CLEC6A: variants seen among roughly 807,000 people sequenced by gnomAD.
CLEC6A encodes the protein C-type lectin domain containing 6A.
In CLEC6A, 22 loss-of-function variants were observed where a neutral mutation model predicts 25.7. That is an observed-to-expected ratio of 0.85 (90% CI 0.61 to 1.22). CLEC6A has a LOEUF of 1.22. Among genes scored for constraint, CLEC6A ranks in the 50% most tolerant of loss-of-function variants. The pLI is 0.00. For synonymous variants in CLEC6A, 92 were observed against 76.7 expected (o/e 1.20, Z -1.04); for missense variants, 240 against 236.8 (o/e 1.01, Z -0.09).
chr12:8,473,242 T>C lies in CLEC6A; in HGVS notation c.370-2883T>C. 2.4e-4 allele frequency among the ~76,000 whole-genome samples: 2 copies of C among 8,312 alleles called. 1 individual carries two copies. Among genetic ancestry groups the C allele is most frequent in the South Asian group, 0.02 (2 of 100 alleles). The allele number at this position is 8,312 out of a possible 152,430, so 5.5% of individuals were successfully genotyped here. A position where few individuals can be genotyped will look rare whatever the true frequency, so the allele number is the denominator to read the frequency against. On this transcript the variant is annotated intron_variant, in intron 4 of 5. Coordinates refer to ENST00000382073, the MANE Select transcript of CLEC6A (RefSeq NM_001007033.2). ...ATCTCCTGACCTCGTGATCCGCCCG[T>C]CTCGGCCTCCCAAAGTGCTGGGATT... is the stretch of plus-strand genomic sequence containing the variant.
Position 8,478,304 on chromosome 12 carries a change from A to G in CLEC6A, c.*840A>G, listed in dbSNP as rs1940006320. On this transcript the variant is annotated 3_prime_UTR_variant, in exon 6 of 6. Coordinates refer to ENST00000382073, the MANE Select transcript of CLEC6A (RefSeq NM_001007033.2). ...TAATGACAGTTTATTTTTATGTTAT[A>G]TAAAAACCTCAACAAATTTTCCAAA... The G allele has an allele frequency of 6.6e-6, 1 of 151,996 alleles. No homozygotes were observed. The highest frequency in any genetic ancestry group is 1.5e-5 in the Non-Finnish European group (1 of 67,896). The allele number at this position is 151,996 out of a possible 1,614,324, so 9.4% of individuals were successfully genotyped here.
chr12:8,464,111 T>C (rs776407963), intron 3 of CLEC6A, among the ~76,000 whole-genome samples: 75 of 152,270 alleles, frequency 4.9e-4, no homozygotes, highest in Non-Finnish European at 9.0e-4. Flanking sequence ...GCAAATAATA[T>C]AGGTATGGTT....
intron 3 of CLEC6A, among the ~76,000 whole-genome samples, chr12:8,462,473 G>A (rs1301551523): frequency 1.0e-4 from 15 of 142,928 alleles, no homozygotes; most frequent in Middle Eastern, 3.5e-3. Context: ...TATAAAACCC[G>A]ATTGTATGTT....
At chr12:8,461,214 G>C in intron 3 of CLEC6A, 1 of 839,570 alleles carries the variant, frequency 1.2e-6, no homozygotes, top group Admixed American at 1.9e-5. Flanking sequence ...ATACTCTCCA[G>C]CTCCACCGTT....
chr12:8,469,462 G>A (rs1310751801), intron 4 of CLEC6A, among the ~76,000 whole-genome samples: 1 of 151,160 alleles, frequency 6.6e-6, no homozygotes, highest in Non-Finnish European at 1.5e-5. Context: ...AATCAAAAAA[G>A]ATGCTGCATA....
chr12:8,456,013 G>A lies in CLEC6A; in HGVS notation c.-99G>A, dbSNP rs892408516. On this transcript the variant is annotated 5_prime_UTR_variant, in exon 1 of 6. Coordinates refer to ENST00000382073, the MANE Select transcript of CLEC6A (RefSeq NM_001007033.2). Reference sequence around the variant, plus strand: ...AGAGTGTGTAGCAGTTTGTCCCTGAGCTCTAGCTTCTTTAAATGAAGCTGA... The same window carrying A: ...AGAGTGTGTAGCAGTTTGTCCCTGAACTCTAGCTTCTTTAAATGAAGCTGA... 5.1e-5 allele frequency: 57 copies of A among 1,127,962 alleles called. No homozygotes were observed. The highest frequency in any genetic ancestry group is 7.3e-5 in the Non-Finnish European group (54 of 744,744). 69.9% of individuals were successfully genotyped at this position (1,127,962 alleles called of 1,614,324 possible).
At chr12:8,461,271 T>C (rs1414297186) in intron 3 of CLEC6A, 2 of 586,464 alleles carry the variant, frequency 3.4e-6, no homozygotes, top group African/African-American at 1.9e-5. Context: ...TAATAAGCAA[T>C]TTAGGACAGT....
Position 8,478,047 on chromosome 12 carries a change from T to C in CLEC6A, c.*583T>C, listed in dbSNP as rs1407669258. 2 of 152,202 alleles carry C rather than the reference T, an allele frequency of 1.3e-5. No individual in the cohort carries two copies. The highest frequency in any genetic ancestry group is 4.8e-5 in the African/African-American group (2 of 41,564). The allele number at this position is 152,202 out of a possible 1,614,324, so 9.4% of individuals were successfully genotyped here. A position where few individuals can be genotyped will look rare whatever the true frequency, so the allele number is the denominator to read the frequency against. ...TCAATCAAGTTTGGCAAGCAGGGTGTTCGATACTGCTATATCCTGTATTCT... is the reference window on the plus strand; with the variant it reads ...TCAATCAAGTTTGGCAAGCAGGGTGCTCGATACTGCTATATCCTGTATTCT... On this transcript the variant is annotated 3_prime_UTR_variant, in exon 6 of 6. Transcript: ENST00000382073.
At chr12:8,460,660 C>T in intron 3 of CLEC6A, 1 of 1,490,206 alleles carries the variant, frequency 6.7e-7, no homozygotes. Flanking sequence ...GAGAAAGAAG[C>T]AGTCTGATGT....
At chr12:8,474,284 C>T (rs1939942859) in intron 4 of CLEC6A, among the ~76,000 whole-genome samples, 1 of 152,074 alleles carries the variant, frequency 6.6e-6, no homozygotes, top group Admixed American at 6.6e-5. Context: ...TATTCTTCGG[C>T]ATATGATTAC....
intron 1 of CLEC6A, among the ~76,000 whole-genome samples, chr12:8,456,547 T>G (rs1463143969): frequency 2.0e-5 from 3 of 152,184 alleles, no homozygotes; most frequent in Non-Finnish European, 4.4e-5. Context: ...AGAGAAAAGC[T>G]TCCCATTTTT....
chr12:8,468,782 A>T (rs1171634268), intron 4 of CLEC6A, among the ~76,000 whole-genome samples: 3 of 152,216 alleles, frequency 2.0e-5, no homozygotes, highest in African/African-American at 7.2e-5. Flanking sequence ...TAGACGGGAC[A>T]TAGCTTGAGG....
intron 5 of CLEC6A, among the ~76,000 whole-genome samples, chr12:8,476,917 T>A (rs1565485181): frequency 6.6e-6 from 1 of 152,058 alleles, no homozygotes; most frequent in Non-Finnish European, 1.5e-5. Flanking sequence ...GATTCAGGCA[T>A]CCTAAGATTC....
intron 3 of CLEC6A, 29 bp from the exon 4 acceptor site, chr12:8,465,455 C>T (rs1356703126): frequency 1.2e-6 from 2 of 1,612,158 alleles, no homozygotes; most frequent in Admixed American, 1.7e-5. Flanking sequence ...CTTGCACTCA[C>T]TCTTTTTTTT....
chr12:8,460,553 T>C, intron 3 of CLEC6A: 1 of 797,906 alleles, frequency 1.3e-6, no homozygotes, highest in Non-Finnish European at 2.1e-6. Flanking sequence ...CCAAACCATA[T>C]CAGTCAGCTT....
chr12:8,457,346 C>G (rs1359755692), intron 1 of CLEC6A, among the ~76,000 whole-genome samples: 1 of 152,166 alleles, frequency 6.6e-6, no homozygotes, highest in African/African-American at 2.4e-5. Flanking sequence ...GTGCCTGGCT[C>G]ATTTCACTTA....
chr12:8,467,274 T>C (rs1471284060), intron 4 of CLEC6A, among the ~76,000 whole-genome samples: 2 of 152,244 alleles, frequency 1.3e-5, no homozygotes, highest in African/African-American at 2.4e-5. Context: ...CTAATTTCAA[T>C]GTCATGAATC....
At chr12:8,466,760 A>G (rs1939836803) in intron 4 of CLEC6A, among the ~76,000 whole-genome samples, 4 of 151,898 alleles carry the variant, frequency 2.6e-5, no homozygotes, top group South Asian at 2.1e-4. Context: ...GGTTCAAGCA[A>G]TTCTCTGCCT....
At chr12:8,466,028 T>C (rs2136361113) in intron 4 of CLEC6A, among the ~76,000 whole-genome samples, 1 of 152,368 alleles carries the variant, frequency 6.6e-6, no homozygotes, top group African/African-American at 2.4e-5. Context: ...CATTCCATTG[T>C]ATGTGTATCT....
Sources: allele counts gnomAD v4.1 joint callset (sites outside exome capture counted in the v4.1 genomes callset), GRCh38; gene constraint gnomAD v4.1.1; transcripts MANE v1.5; gene names NCBI Gene and HGNC (gene_info 2026-07-23, HGNC 2026-07-21).